Variants in DOCK3 observed in about 807,000 individuals in gnomAD.
DOCK3 encodes the protein dedicator of cytokinesis 3.
DOCK3 carries 60 observed loss-of-function variants against 265.6 expected under a neutral mutation model. The ratio of observed to expected loss-of-function variants is 0.23; its 90% CI spans 0.18 to 0.28. The LOEUF (loss-of-function observed/expected upper bound fraction) is 0.28, where lower values mean the gene tolerates loss of function less well. DOCK3 is among the 10% of genes least tolerant of loss of function. DOCK3 has a pLI of 1.00. For synonymous variants in DOCK3, 881 were observed against 938.0 expected, an observed-to-expected ratio of 0.94 and a Z score of 1.11; for missense variants, 1,981 against 2,594.3, an observed-to-expected ratio of 0.76 and a Z score of 5.14.
intron 5 of DOCK3, among the ~76,000 whole-genome samples, chr3:50,944,757 G>A (rs1173001041): frequency 1.3e-5 from 2 of 152,148 alleles, no homozygotes; most frequent in East Asian, 3.9e-4. Flanking sequence ...CCAGATGTTC[G>A]AGACCAGCCT....
Position 51,341,357 on chromosome 3 carries a change from A to C in DOCK3, c.3887A>C (p.Lys1296Thr). The stretch of plus-strand genomic sequence containing the variant: ...CAGCGGAAGGAGGGACTGTGCCGGA[A>C]GATCATTCACTACTTCAACAAAGGC... ...EWQRKEGLCR[K>T]IIHYFNKGKS... The change falls in exon 38 of 53, where the codon AAG (lysine) becomes ACG (threonine). Residue 1296 changes from lysine (K) to threonine (T), a missense_variant. By Grantham distance (78) the Lys-to-Thr change is moderately conservative. Coordinates refer to ENST00000266037, the MANE Select transcript of DOCK3 (RefSeq NM_004947.5). 1 of 1,613,880 alleles carries C rather than the reference A, an allele frequency of 6.2e-7. No homozygotes were observed. Among genetic ancestry groups the C allele is most frequent in the Middle Eastern group, 1.7e-4 (1 of 6,060 alleles).
At chr3:51,070,775 C>G (rs1391369950) in intron 6 of DOCK3, among the ~76,000 whole-genome samples, 1 of 152,144 alleles carries the variant, frequency 6.6e-6, no homozygotes, top group African/African-American at 2.4e-5. Flanking sequence ...GGCTGCACAT[C>G]AGGAGGTGAG....
chr3:50,724,200 T>G (rs184140002), intron 1 of DOCK3, among the ~76,000 whole-genome samples: 2 of 152,268 alleles, frequency 1.3e-5, no homozygotes, highest in Non-Finnish European at 2.9e-5. Context: ...AAACAATGGA[T>G]GCTGGAGAGG....
At chr3:51,280,323 C>T in intron 27 of DOCK3, 119 bp downstream of exon 27, 1 of 925,150 alleles carries the variant, frequency 1.1e-6, no homozygotes, top group Non-Finnish European at 1.6e-6. Flanking sequence ...GTGTAGGATT[C>T]ACCAGCCCTG....
intron 9 of DOCK3, among the ~76,000 whole-genome samples, chr3:51,104,823 C>T (rs900964002): frequency 1.3e-5 from 2 of 152,100 alleles, no homozygotes; most frequent in Non-Finnish European, 2.9e-5. Flanking sequence ...GGGTCTTGCT[C>T]TGTCTCCCAG....
intron 27 of DOCK3, among the ~76,000 whole-genome samples, chr3:51,296,698 G>C (rs898791093): frequency 6.6e-6 from 1 of 151,904 alleles, no homozygotes; most frequent in Non-Finnish European, 1.5e-5. Flanking sequence ...GGATGGTCTC[G>C]ATCTCCTGAC....
chr3:51,225,263 G>A (rs1233248790), intron 14 of DOCK3, among the ~76,000 whole-genome samples: 1 of 152,204 alleles, frequency 6.6e-6, no homozygotes, highest in African/African-American at 2.4e-5. Flanking sequence ...GGGAAAAGAA[G>A]AGGGATTAGT....
intron 9 of DOCK3, among the ~76,000 whole-genome samples, chr3:51,121,348 T>A (rs545713281): frequency 6.6e-6 from 1 of 152,288 alleles, no homozygotes; most frequent in Admixed American, 6.5e-5. Context: ...CCCAGTGAGA[T>A]GAACCTAGTA....
intron 5 of DOCK3, among the ~76,000 whole-genome samples, chr3:50,960,356 A>C (rs1329666544): frequency 1.3e-5 from 2 of 151,730 alleles, no homozygotes; most frequent in Non-Finnish European, 2.9e-5. Context: ...ATCTCTGGCA[A>C]CTCTTATCAT....
chr3:51,018,055 C>T (rs1404094814), intron 5 of DOCK3, among the ~76,000 whole-genome samples: 1 of 151,334 alleles, frequency 6.6e-6, no homozygotes, highest in Non-Finnish European at 1.5e-5. Context: ...CCATGCCCAG[C>T]TCATTTTTGT....
intron 2 of DOCK3, among the ~76,000 whole-genome samples, chr3:50,819,941 G>A (rs1023894221): frequency 6.6e-6 from 1 of 152,102 alleles, no homozygotes; most frequent in South Asian, 2.1e-4. Flanking sequence ...TAACTTGGGC[G>A]AGAGAGCAAG....
chr3:51,352,601 A>G (rs149677116), intron 40 of DOCK3, among the ~76,000 whole-genome samples: 14 of 152,356 alleles, frequency 9.2e-5, no homozygotes, highest in African/African-American at 3.1e-4. Context: ...ATCGATTCCC[A>G]TCTCCACACA....
Position 51,256,579 on chromosome 3 carries a change from G to T in DOCK3, c.2185-3577G>T, listed in dbSNP as rs1330907324. Among the ~76,000 whole-genome samples the T allele has an allele frequency of 2.0e-5, 3 of 149,126 alleles. No individual in the cohort carries two copies. In the South Asian group the frequency reaches 6.4e-4, roughly 32 times the overall value. ...AGCCATCGCACCCAGCGAAGAGCTT[G>T]AGTTTTCGTTTTTGTTTTTTTTTTT... On this transcript the variant is annotated intron_variant, in intron 22 of 52. Transcript: ENST00000266037.
chr3:51,180,605 T>C (rs896025177), intron 12 of DOCK3, among the ~76,000 whole-genome samples: 3 of 152,186 alleles, frequency 2.0e-5, no homozygotes, highest in Admixed American at 2.0e-4. Context: ...ATATTTGTCA[T>C]TGGATTTAGG....
At chr3:51,139,102 G>A (rs776860843) in intron 9 of DOCK3, among the ~76,000 whole-genome samples, 7 of 152,092 alleles carry the variant, frequency 4.6e-5, no homozygotes, top group Non-Finnish European at 8.8e-5. Context: ...GGTTGTACTA[G>A]GGGTCATCTT....
At chr3:50,960,331 A>T (rs1232168694) in intron 5 of DOCK3, among the ~76,000 whole-genome samples, 1 of 152,070 alleles carries the variant, frequency 6.6e-6, no homozygotes, top group Non-Finnish European at 1.5e-5. Flanking sequence ...TGTGTGAGGG[A>T]TCTATTTTTT....
At chr3:50,880,205 C>T (rs1311410200) in intron 3 of DOCK3, among the ~76,000 whole-genome samples, 1 of 152,318 alleles carries the variant, frequency 6.6e-6, no homozygotes, top group Admixed American at 6.5e-5. Context: ...GGCACCCTAA[C>T]ATCACAATTG....
intron 1 of DOCK3, chr3:50,719,623 T>A: frequency 4.5e-6 from 7 of 1,554,752 alleles, no homozygotes; most frequent in Non-Finnish European, 6.2e-6. Flanking sequence ...ACCACTGAGG[T>A]CTTGGCAGTG....
Position 51,171,715 on chromosome 3 carries a change from C to CA in DOCK3, c.1037+11030dup, listed in dbSNP as rs779355875. ...TGGGCGACAGAGCGAGACTCCATCT[C>CA]AAAAAAAAAAAAAAAAAGACTTGTT... On this transcript the variant is annotated intron_variant, in intron 12 of 52. Coordinates refer to ENST00000266037, the MANE Select transcript of DOCK3 (RefSeq NM_004947.5). 4.6e-3 allele frequency among the ~76,000 whole-genome samples: 383 copies of CA among 83,072 alleles called. 3 individuals are homozygous for CA. Among genetic ancestry groups the CA allele is most frequent in the Middle Eastern group, 0.013 (2 of 156 alleles). 54.5% of individuals were successfully genotyped at this position (83,072 alleles called of 152,430 possible). A position where few individuals can be genotyped will look rare whatever the true frequency, so the allele number is the denominator to read the frequency against.
Sources: allele counts gnomAD v4.1 joint callset (sites outside exome capture counted in the v4.1 genomes callset), GRCh38; gene constraint gnomAD v4.1.1; transcripts MANE v1.5; gene names NCBI Gene and HGNC (gene_info 2026-07-23, HGNC 2026-07-21).